Variants in KCNQ3 observed in about 807,000 individuals in gnomAD.
KCNQ3 encodes the protein potassium voltage-gated channel subfamily KQT member 3.
KCNQ3 carries 30 observed loss-of-function variants against 92.5 expected under a neutral mutation model. That is an observed-to-expected ratio of 0.32 (90% CI 0.24 to 0.44). KCNQ3 has a LOEUF of 0.44. Ranked by LOEUF, KCNQ3 falls within the 20% of genes least tolerant of loss-of-function variation. The pLI is 1.00. For synonymous variants in KCNQ3, 450 were observed against 468.8 expected (o/e 0.96, Z 0.52); for missense variants, 913 against 1,140.3 (o/e 0.80, Z 2.87).
chr8:132,175,327 G>T, intron 5 of KCNQ3, 126 bp downstream of exon 5: 1 of 1,076,650 alleles, frequency 9.3e-7, no homozygotes, highest in Non-Finnish European at 1.4e-6. Context: ...GCTGAAATTG[G>T]TCTAGAGCTT....
At chr8:132,278,258 A>T in intron 1 of KCNQ3, 2 of 975,056 alleles carry the variant, frequency 2.1e-6, no homozygotes, top group Non-Finnish European at 2.4e-6. Flanking sequence ...TCTCAATATC[A>T]TTTCTAATTT....
chr8:132,324,264 C>T (rs781369161), intron 1 of KCNQ3, among the ~76,000 whole-genome samples: 1 of 152,166 alleles, frequency 6.6e-6, no homozygotes, highest in Non-Finnish European at 1.5e-5. Context: ...AGTTTTTGTG[C>T]CTTTACTTCA....
At chr8:132,262,637 T>TA (rs1289367476) in intron 1 of KCNQ3, among the ~76,000 whole-genome samples, 1 of 150,450 alleles carries the variant, frequency 6.6e-6, no homozygotes, top group East Asian at 1.9e-4. Flanking sequence ...TACAGCAGTT[T>TA]TTTTTTTTTT....
chr8:132,387,909 A>G (rs1228528322), intron 1 of KCNQ3, among the ~76,000 whole-genome samples: 2 of 151,810 alleles, frequency 1.3e-5, no homozygotes, highest in East Asian at 3.9e-4. Flanking sequence ...TCGCCTCACT[A>G]TACTCCAGCC....
intron 1 of KCNQ3, among the ~76,000 whole-genome samples, chr8:132,236,881 C>T (rs192156021): frequency 8.5e-5 from 13 of 152,344 alleles, no homozygotes; most frequent in African/African-American, 3.1e-4. Flanking sequence ...GGTCAGGGCA[C>T]ATGGGTGGCC....
chr8:132,385,497 T>C (rs1255452594), intron 1 of KCNQ3, among the ~76,000 whole-genome samples: 8 of 152,058 alleles, frequency 5.3e-5, no homozygotes, highest in Admixed American at 6.6e-5. Context: ...GTCAGGAAGG[T>C]TGTGTCCTCA....
At chr8:132,173,459 T>G (rs554186454) in intron 6 of KCNQ3, among the ~76,000 whole-genome samples, 1 of 152,048 alleles carries the variant, frequency 6.6e-6, no homozygotes, top group South Asian at 2.1e-4. Context: ...TTTTTCAAGC[T>G]TCATGATTAA....
At chr8:132,150,634 T>C (rs1293043076) in intron 9 of KCNQ3, among the ~76,000 whole-genome samples, 2 of 152,176 alleles carry the variant, frequency 1.3e-5, no homozygotes, top group Non-Finnish European at 2.9e-5. Context: ...AGGTTTTTTT[T>C]TGGTTGACTG....
At position 132,169,812 on chromosome 8, in the gene KCNQ3, C is replaced by T. The variant is rs560987886; in HGVS notation, c.1235+522G>A. On this transcript the variant is annotated intron_variant, in intron 8 of 14. Coordinates refer to ENST00000388996, the MANE Select transcript of KCNQ3 (RefSeq NM_004519.4). ...GCGGCCCCGGCCCTGGGGATTCTGA[C>T]TTAATTAGCTTGAGGTGTGGCCTAG... 5.3e-5 allele frequency among the ~76,000 whole-genome samples: 8 copies of T among 152,098 alleles called. No individual in the cohort carries two copies. In the South Asian group the frequency reaches 1.5e-3, roughly 28 times the overall value.
chr8:132,170,509 G>A, intron 7 of KCNQ3, 81 bp from the exon 8 acceptor site: 2 of 875,506 alleles, frequency 2.3e-6, no homozygotes, highest in South Asian at 2.7e-5. Flanking sequence ...ACAAAACAAT[G>A]TTTAAGCCCT....
intron 1 of KCNQ3, among the ~76,000 whole-genome samples, chr8:132,386,298 A>T (rs985919706): frequency 3.3e-5 from 5 of 152,130 alleles, no homozygotes; most frequent in Admixed American, 1.3e-4. Context: ...ACTCTTAAAA[A>T]CAGCTTAATA....
chr8:132,156,107 G>A (rs563771943), intron 9 of KCNQ3, among the ~76,000 whole-genome samples: 5 of 151,936 alleles, frequency 3.3e-5, no homozygotes, highest in African/African-American at 1.2e-4. Context: ...ATTTTCTTCC[G>A]GTCTCATAAG....
chr8:132,183,239 C>T (rs1826850026), intron 3 of KCNQ3, among the ~76,000 whole-genome samples: 1 of 152,090 alleles, frequency 6.6e-6, no homozygotes, highest in Non-Finnish European at 1.5e-5. Flanking sequence ...CCACTGATGA[C>T]GTTGTTTCTT....
intron 1 of KCNQ3, among the ~76,000 whole-genome samples, chr8:132,327,996 T>C (rs956107432): frequency 4.6e-5 from 7 of 152,008 alleles, no homozygotes; most frequent in Non-Finnish European, 4.4e-5. Context: ...CCACAACCAC[T>C]ATGTCCCCTC....
chr8:132,136,956 C>A lies in KCNQ3; in HGVS notation c.1700+929G>T, dbSNP rs530919481. Among the ~76,000 whole-genome samples the A allele has an allele frequency of 2.3e-4, 35 of 151,708 alleles. 1 individual carries two copies. The South Asian group carries it at 7.1e-3, about 31-fold the overall frequency. Reference sequence around the variant, plus strand: ...TTGGCTCACTGCAACCTCCGCCCCCCCAGGTTCAAGCGATTCTTCCGTCTC... The same window carrying A: ...TTGGCTCACTGCAACCTCCGCCCCCACAGGTTCAAGCGATTCTTCCGTCTC... On this transcript the variant is annotated intron_variant, in intron 12 of 14. Transcript: ENST00000388996.
At chr8:132,236,574 T>G (rs2130390046) in intron 1 of KCNQ3, among the ~76,000 whole-genome samples, 1 of 152,288 alleles carries the variant, frequency 6.6e-6, no homozygotes, top group South Asian at 2.1e-4. Flanking sequence ...TTCACCTAAG[T>G]TATCTCTTTA....
At chr8:132,150,625 G>T (rs1375790617) in intron 9 of KCNQ3, among the ~76,000 whole-genome samples, 5 of 152,006 alleles carry the variant, frequency 3.3e-5, no homozygotes, top group African/African-American at 9.7e-5. Flanking sequence ...GCTGGGAAAA[G>T]GTTTTTTTTT....
Position 132,129,019 on chromosome 8 carries a change from G to T in KCNQ3, c.*243C>A. The T allele has an allele frequency of 1.8e-6, 1 of 571,242 alleles. No homozygotes were observed. Among genetic ancestry groups the T allele is most frequent in the Non-Finnish European group, 3.1e-6 (1 of 319,864 alleles). The allele number at this position is 571,242 out of a possible 1,614,324, so 35.4% of individuals were successfully genotyped here. A position where few individuals can be genotyped will look rare whatever the true frequency, so the allele number is the denominator to read the frequency against. On this transcript the variant is annotated 3_prime_UTR_variant, in exon 15 of 15. Coordinates refer to ENST00000388996, the MANE Select transcript of KCNQ3 (RefSeq NM_004519.4). This position sits in a 1 kb window ranked among gnomAD's most constrained non-coding sequence, Gnocchi z 5.9. ...CAGCAGATAAATGTGTATCCTAGAAGAGATTAGCGGAACCATTTATATAGT... is the reference window on the plus strand; with the variant it reads ...CAGCAGATAAATGTGTATCCTAGAATAGATTAGCGGAACCATTTATATAGT...
intron 1 of KCNQ3, among the ~76,000 whole-genome samples, chr8:132,198,009 C>A (rs944431855): frequency 1.3e-5 from 2 of 152,188 alleles, no homozygotes; most frequent in Non-Finnish European, 2.9e-5. Flanking sequence ...ATTCCCTCTG[C>A]TTAAAGTTGG....
Sources: gnomAD v4.1 joint callset for allele counts (sites outside exome capture counted in the v4.1 genomes callset) on GRCh38, gnomAD v4.1.1 for gene constraint, Gnocchi (gnomAD v3.1) non-coding constraint, MANE v1.5 for transcripts, NCBI Gene and HGNC (gene_info 2026-07-23, HGNC 2026-07-21) for gene names.